SLC14A2: variants seen among roughly 807,000 people sequenced by gnomAD.
The protein encoded by SLC14A2 is solute carrier family 14 member 2.
SLC14A2 carries 91 observed loss-of-function variants against 104.6 expected under a neutral mutation model. The ratio of observed to expected loss-of-function variants is 0.87; its 90% CI spans 0.73 to 1.04. The LOEUF is 1.04. SLC14A2 is among the 50% of genes least tolerant of loss of function. SLC14A2 has a pLI of 0.00. For missense variants in SLC14A2, 1,189 were observed against 1,156.0 expected, an observed-to-expected ratio of 1.03 and a Z score of -0.41; for synonymous variants, 476 against 466.4, an observed-to-expected ratio of 1.02 and a Z score of -0.27.
chr18:45,679,155 C>A (rs1340427289), intron 19 of SLC14A2, 131 bp downstream of exon 19: 8 of 812,646 alleles, frequency 9.8e-6, no homozygotes, highest in East Asian at 5.3e-5. Context: ...TCAAGTCACA[C>A]TACTCACTTC....
At chr18:45,321,218 G>A (rs2085181788) in intron 1 of SLC14A2, among the ~76,000 whole-genome samples, 1 of 152,192 alleles carries the variant, frequency 6.6e-6, no homozygotes, top group Non-Finnish European at 1.5e-5. Flanking sequence ...GGTAGGTCAT[G>A]GAAATCAGCA....
chr18:45,386,807 T>C (rs1239197605), intron 1 of SLC14A2, among the ~76,000 whole-genome samples: 1 of 152,212 alleles, frequency 6.6e-6, no homozygotes, highest in African/African-American at 2.4e-5. Flanking sequence ...AACTGTAGAA[T>C]TGAGATGCTG....
At chr18:45,256,318 G>A (rs1233709798) in intron 1 of SLC14A2, among the ~76,000 whole-genome samples, 1 of 152,228 alleles carries the variant, frequency 6.6e-6, no homozygotes, top group African/African-American at 2.4e-5. Context: ...CCAGCCCAAA[G>A]CTAAATTGTG....
intron 1 of SLC14A2, among the ~76,000 whole-genome samples, chr18:45,477,331 T>C (rs1270047621): frequency 1.3e-5 from 2 of 152,222 alleles, no homozygotes; most frequent in Admixed American, 1.3e-4. Flanking sequence ...CAGCAAAGAT[T>C]GCTGCCTGTT....
Position 45,615,836 on chromosome 18 carries a change from T to TGA in SLC14A2, c.-35+276_-35+277dup, listed in dbSNP as rs779783446. On this transcript the variant is annotated intron_variant, in intron 1 of 19. Transcript: ENST00000255226. ...GGGTGTATGTGTGTGTGTGTGTGTGTGAGAGAGAGAGAGAGAGAGAGAGGG... is the reference window on the plus strand; with the variant it reads ...GGGTGTATGTGTGTGTGTGTGTGTGTGAGAGAGAGAGAGAGAGAGAGAGAGGG... Among the ~76,000 whole-genome samples, 196 of 148,656 alleles carry TGA rather than the reference T, an allele frequency of 1.3e-3. 4 individuals carry two copies. Among genetic ancestry groups the TGA allele is most frequent in the African/African-American group, 3.5e-3 (138 of 39,766 alleles).
intron 1 of SLC14A2, among the ~76,000 whole-genome samples, chr18:45,222,916 G>T (rs556211000): frequency 6.6e-6 from 1 of 152,002 alleles, no homozygotes; most frequent in Non-Finnish European, 1.5e-5. Flanking sequence ...AGCTGAGGCC[G>T]CAGAAAACCC....
At chr18:45,230,422 A>C (rs8098865) in intron 1 of SLC14A2, among the ~76,000 whole-genome samples, 4 of 152,016 alleles carry the variant, frequency 2.6e-5, no homozygotes, top group Admixed American at 2.6e-4. Context: ...TGTGGGCCCT[A>C]TCTTTCATTT....
At chr18:45,639,702 T>C (rs2045486108) in intron 6 of SLC14A2, 44 bp from the exon 7 acceptor site, 2 of 1,602,034 alleles carry the variant, frequency 1.2e-6, no homozygotes, top group Non-Finnish European at 1.7e-6. Context: ...GGTTTTTGCA[T>C]TATTGTCCAT....
chr18:45,518,900 G>T (rs1478658256), intron 2 of SLC14A2, among the ~76,000 whole-genome samples: 2 of 152,212 alleles, frequency 1.3e-5, no homozygotes, highest in African/African-American at 2.4e-5. Context: ...AAAACGAGAT[G>T]TGTCCACTGT....
At chr18:45,394,632 T>G (rs1484769705) in intron 1 of SLC14A2, among the ~76,000 whole-genome samples, 1 of 152,228 alleles carries the variant, frequency 6.6e-6, no homozygotes, top group Non-Finnish European at 1.5e-5. Context: ...ATATACATGT[T>G]GGCTATTTCT....
chr18:45,640,041 C>A, intron 7 of SLC14A2, 148 bp downstream of exon 7: 2 of 752,080 alleles, frequency 2.7e-6, no homozygotes, highest in Non-Finnish European at 4.2e-6. Context: ...TGCCTGTAAT[C>A]CCAGCACTTT....
chr18:45,249,512 C>T (rs533217649), intron 1 of SLC14A2, among the ~76,000 whole-genome samples: 57 of 152,154 alleles, frequency 3.7e-4, no homozygotes, highest in Middle Eastern at 3.4e-3. Context: ...GGTTGAGTAA[C>T]TGGTCTGAAT....
chr18:45,497,307 T>TTGA (rs1355566710), intron 2 of SLC14A2, among the ~76,000 whole-genome samples: 1 of 152,160 alleles, frequency 6.6e-6, no homozygotes, highest in Non-Finnish European at 1.5e-5. Context: ...CAACCGTGTA[T>TTGA]TGATCCCCTT....
chr18:45,598,025 T>C (rs2044737963), intron 2 of SLC14A2, among the ~76,000 whole-genome samples: 1 of 152,066 alleles, frequency 6.6e-6, no homozygotes, highest in South Asian at 2.1e-4. Flanking sequence ...ACACACCCAA[T>C]CAGAGGTTCC....
chr18:45,502,327 A>G (rs1322742666), intron 2 of SLC14A2, among the ~76,000 whole-genome samples: 1 of 152,194 alleles, frequency 6.6e-6, no homozygotes, highest in Non-Finnish European at 1.5e-5. Context: ...TTGTTTAGAG[A>G]TTAAGCTGCC....
chr18:45,604,546 T>C (rs1372250985), intron 2 of SLC14A2, among the ~76,000 whole-genome samples: 1 of 152,186 alleles, frequency 6.6e-6, no homozygotes, highest in Non-Finnish European at 1.5e-5. Flanking sequence ...CACATTCTTA[T>C]GTTATATCAG....
At chr18:45,330,185 G>A (rs1389488908) in intron 1 of SLC14A2, among the ~76,000 whole-genome samples, 1 of 152,160 alleles carries the variant, frequency 6.6e-6, no homozygotes, top group African/African-American at 2.4e-5. Flanking sequence ...TGATATCCCA[G>A]CCAGCTCATT....
chr18:45,635,578 G>A (rs78545421), intron 5 of SLC14A2, among the ~76,000 whole-genome samples: 1 of 152,296 alleles, frequency 6.6e-6, no homozygotes, highest in East Asian at 1.9e-4. Context: ...ATGGTGTAAT[G>A]AGGGCACACA....
At chr18:45,396,913 T>G (rs1270122721) in intron 1 of SLC14A2, among the ~76,000 whole-genome samples, 2 of 152,130 alleles carry the variant, frequency 1.3e-5, no homozygotes, top group Non-Finnish European at 2.9e-5. Context: ...GTGATAAATG[T>G]GGAATTTGGT....
Sources: allele counts gnomAD v4.1 joint callset (sites outside exome capture counted in the v4.1 genomes callset), GRCh38; gene constraint gnomAD v4.1.1; transcripts MANE v1.5; gene names NCBI Gene and HGNC (gene_info 2026-07-23, HGNC 2026-07-21).